The following MAN2B2 variants were observed in gnomAD, a reference collection of about 807,000 sequenced individuals.
MAN2B2 encodes the protein epididymis-specific alpha-mannosidase.
In MAN2B2, 106 loss-of-function variants were observed where a neutral mutation model predicts 117.1. That is an observed-to-expected ratio of 0.90 (90% confidence interval 0.77 to 1.06). MAN2B2 has a LOEUF of 1.06. Ranked by LOEUF, MAN2B2 falls within the 50% of genes least tolerant of loss-of-function variation. The pLI is 0.00. For synonymous variants in MAN2B2, 544 were observed against 595.1 expected (o/e 0.91, Z 1.25); for missense variants, 1,326 against 1,381.4 (o/e 0.96, Z 0.64).
Position 6,621,669 on chromosome 4 carries a change from G to A in MAN2B2, c.*384G>A. 1 of 174,168 alleles carries A rather than the reference G, an allele frequency of 5.7e-6. No individual in the cohort carries two copies. Among genetic ancestry groups the A allele is most frequent in the Non-Finnish European group, 1.2e-5 (1 of 82,364 alleles). The allele number at this position is 174,168 out of a possible 1,614,324, so 10.8% of individuals were successfully genotyped here. A position where few individuals can be genotyped will look rare whatever the true frequency, so the allele number is the denominator to read the frequency against. Reference sequence around the variant, plus strand: ...CGGGCCCTGCCAGGCTTGCCAGGCTGCCAGTGGTAACTGTGGACCTACTGC... The same window carrying A: ...CGGGCCCTGCCAGGCTTGCCAGGCTACCAGTGGTAACTGTGGACCTACTGC... On this transcript the variant is annotated 3_prime_UTR_variant, in exon 19 of 19. Transcript: ENST00000285599.
intron 10 of MAN2B2, among the ~76,000 whole-genome samples, chr4:6,604,083 A>G (rs568076566): frequency 6.6e-5 from 10 of 152,268 alleles, no homozygotes; most frequent in African/African-American, 2.4e-4. Context: ...AGGAGAAGGT[A>G]GTCCAGGTGG....
chr4:6,587,095 C>A lies in MAN2B2; in HGVS notation c.491C>A (p.Ala164Glu), dbSNP rs753497334. 6.8e-6 allele frequency: 11 copies of A among 1,614,020 alleles called. No homozygotes were observed. Among genetic ancestry groups the A allele is most frequent in the Non-Finnish European group, 8.5e-6 (10 of 1,180,022 alleles). Residue 164 changes from alanine (A) to glutamate (E), a missense_variant, in exon 4 of 19, where the codon GCG becomes GAG. By Grantham distance (107) the Ala-to-Glu change is moderately radical. Transcript: ENST00000285599. ...GASATTPTLFALAGFNAHLGS... is the reference protein window; with the variant it reads ...GASATTPTLFELAGFNAHLGS... ...TCTGCCACGACGCCCACCCTATTTG[C>A]GCTGGCGGGCTTCAATGCCCACCTC...
Position 6,621,385 on chromosome 4 carries a change from G to A in MAN2B2, c.*100G>A. ...AAGCAGTGCGGAGGGATGGGACTGG[G>A]GAGTCAGCTGCTCATCTGCAGGCTA... On this transcript the variant is annotated 3_prime_UTR_variant, in exon 19 of 19. Transcript: ENST00000285599. The A allele has an allele frequency of 1.1e-6, 1 of 887,416 alleles. No individual in the cohort carries two copies. The highest frequency in any genetic ancestry group is 1.7e-6 in the Non-Finnish European group (1 of 588,890). The allele number at this position is 887,416 out of a possible 1,614,324, so 55.0% of individuals were successfully genotyped here.
In MAN2B2 at chr4:6,605,064, T is replaced by C. The variant is rs1228028105; in HGVS notation, c.1549T>C (p.Ser517Pro). The C allele has an allele frequency of 3.1e-6, 5 of 1,611,852 alleles. No individual in the cohort carries two copies. Among genetic ancestry groups the C allele is most frequent in the Non-Finnish European group, 4.2e-6 (5 of 1,178,340 alleles). Residue 517 changes from serine to proline, a missense_variant, in exon 11 of 19, where the codon TCA (serine) becomes CCA (proline). By Grantham distance (74) the Ser-to-Pro change is moderately conservative. Transcript: ENST00000285599. Reference protein sequence around the residue: ...GHPVPSQIQNSTETPSAYDLL... With the variant: ...GHPVPSQIQNPTETPSAYDLL... ...CCTGCTGGCCTTGCAGATCCAGAAC[T>C]CAACAGAGACCCCATCTGCGTATGA...
intron 6 of MAN2B2, among the ~76,000 whole-genome samples, chr4:6,594,300 A>T (rs1460212492): frequency 3.3e-5 from 4 of 119,416 alleles, no homozygotes; most frequent in African/African-American, 1.1e-4. Flanking sequence ...AAAATTAGCC[A>T]GGTGTGGTGG....
In MAN2B2 at chr4:6,621,628, A is replaced by C; in HGVS notation, c.*343A>C. On this transcript the variant is annotated 3_prime_UTR_variant, in exon 19 of 19. Transcript: ENST00000285599. Reference sequence around the variant, plus strand: ...GAGCACAAGACTCACAGCAGCACCGAAGCGCATCTGCCGTCCGGGCCCTGC... The same window carrying C: ...GAGCACAAGACTCACAGCAGCACCGCAGCGCATCTGCCGTCCGGGCCCTGC... The C allele has an allele frequency of 5.2e-6, 1 of 192,228 alleles. No homozygotes were observed. The highest frequency in any genetic ancestry group is 1.1e-5 in the Non-Finnish European group (1 of 93,940). 11.9% of individuals were successfully genotyped at this position (192,228 alleles called of 1,614,324 possible).
At chr4:6,580,266 G>A (rs1726376027) in intron 3 of MAN2B2, among the ~76,000 whole-genome samples, 1 of 152,156 alleles carries the variant, frequency 6.6e-6, no homozygotes, top group Non-Finnish European at 1.5e-5. Flanking sequence ...CTCAGCCCCT[G>A]CTTGTCCCCC....
rs766170421 is a variant in MAN2B2, at chr4:6,611,174, T to G, written c.2459T>G (p.Val820Gly). 23 of 1,613,976 alleles carry G rather than the reference T, an allele frequency of 1.4e-5. No homozygotes were observed. Among genetic ancestry groups the G allele is most frequent in the Non-Finnish European group, 1.9e-5 (23 of 1,180,028 alleles). Residue 820 changes from valine to glycine, a missense_variant, in exon 15 of 19, where the codon GTG (valine) becomes GGG (glycine). Physicochemically the swap from Val to Gly is moderately radical, Grantham distance 109 (BLOSUM62 -3). Transcript: ENST00000285599. ...TLNDTSVVHP[V>G]LWLLLGSWSL... ...AACGACACCTCAGTCGTCCACCCAG[T>G]GCTCTGGCTTCTGCTGGGATCCTGG...
At chr4:6,594,783 GTCCACGTACCCTCTGCCCACT>G in intron 7 of MAN2B2, 51 bp downstream of exon 7, 1 of 1,537,932 alleles carries the variant, frequency 6.5e-7, no homozygotes, top group South Asian at 1.2e-5. Flanking sequence ...GGAGGGTATA[GTCCACGTACCCTCTGCCCACT>G]TCAGTGGCTG....
At chr4:6,614,183 A>T in intron 15 of MAN2B2, 35 bp from the exon 16 acceptor site, 1 of 1,605,648 alleles carries the variant, frequency 6.2e-7, no homozygotes, top group African/African-American at 1.3e-5. Flanking sequence ...GTTGAGCCCC[A>T]AACCCTCTCC....
At position 6,600,659 on chromosome 4, in the gene MAN2B2, A is replaced by G; in HGVS notation, c.1442A>G (p.Asn481Ser). The G allele has an allele frequency of 1.2e-6, 2 of 1,613,814 alleles. No individual in the cohort carries two copies. Among genetic ancestry groups the G allele is most frequent in the Admixed American group, 1.7e-5 (1 of 60,004 alleles). Residue 481 changes from asparagine (N) to serine (S), a missense_variant, in exon 10 of 19, where the codon AAC (asparagine) becomes AGC (serine). Asn to Ser is a conservative substitution (Grantham distance 46, BLOSUM62 1). Transcript: ENST00000285599. ...GPAGHFASVY[N>S]PLAWTVTTIV... Reference sequence around the variant, plus strand: ...GCAGGACATTTTGCCTCGGTCTACAACCCGCTGGCCTGGACGGTCACCACC... The same window carrying G: ...GCAGGACATTTTGCCTCGGTCTACAGCCCGCTGGCCTGGACGGTCACCACC...
intron 15 of MAN2B2, among the ~76,000 whole-genome samples, chr4:6,611,572 T>TTTTTTTTTTTTTTTTTTTTG: frequency 6.6e-6 from 1 of 152,214 alleles, no homozygotes; most frequent in African/African-American, 2.4e-5. Context: ...TTTCCTTTCT[T>TTTTTTTTTTTTTTTTTTTTG]AATATGACAT....
intron 11 of MAN2B2, among the ~76,000 whole-genome samples, chr4:6,606,938 T>C (rs7666407): frequency 0.013 from 1,966 of 152,326 alleles, 48 homozygotes; most frequent in African/African-American, 0.044. Flanking sequence ...TTGACTGAGA[T>C]GCACTTCACA....
In MAN2B2 at chr4:6,586,053, G is replaced by GTTTTTTTTTTTTTTTTTTTTTTTTTTTT. The variant is rs759999292; in HGVS notation, c.392-930_392-929insTTTTTTTTTTTTTTTTTTTTTTTTTTTT. On this transcript the variant is annotated intron_variant, in intron 3 of 18. Coordinates refer to ENST00000285599, the MANE Select transcript of MAN2B2 (RefSeq NM_015274.3). Reference sequence around the variant, plus strand: ...TAATTTATGGACATCTTTTCTTGTGGTTTTTTTTTTTTTGAGACAGAGTCT... The same window carrying GTTTTTTTTTTTTTTTTTTTTTTTTTTTT: ...TAATTTATGGACATCTTTTCTTGTGGTTTTTTTTTTTTTTTTTTTTTTTTTTTTTTTTTTTTTTTTTGAGACAGAGTCT... 3.1e-4 allele frequency among the ~76,000 whole-genome samples: 45 copies of GTTTTTTTTTTTTTTTTTTTTTTTTTTTT among 143,932 alleles called. 1 individual carries two copies. The highest frequency in any genetic ancestry group is 1.1e-3 in the African/African-American group (44 of 38,834). The allele number at this position is 143,932 out of a possible 152,430, so 94.4% of individuals were successfully genotyped here.
chr4:6,580,822 C>T (rs939774318), intron 3 of MAN2B2, among the ~76,000 whole-genome samples: 30 of 152,156 alleles, frequency 2.0e-4, no homozygotes, highest in African/African-American at 5.6e-4. Context: ...TGGGGTACCT[C>T]GCCTCTGGCC....
chr4:6,584,702 C>G lies in MAN2B2; in HGVS notation c.392-2294C>G, dbSNP rs549242404. Among the ~76,000 whole-genome samples, 143 of 152,322 alleles carry G rather than the reference C, an allele frequency of 9.4e-4. 2 individuals carry two copies. The South Asian group carries it at 0.029, about 31-fold the overall frequency. The stretch of plus-strand genomic sequence containing the variant: ...ATTTGGGTTTGCTGACAGAGGAACT[C>G]GAGGCCTGGAGCCGGCTCAGCCTGA... On this transcript the variant is annotated intron_variant, in intron 3 of 18. Coordinates refer to ENST00000285599, the MANE Select transcript of MAN2B2 (RefSeq NM_015274.3).
intron 16 of MAN2B2, among the ~76,000 whole-genome samples, chr4:6,615,721 G>A (rs946190766): frequency 1.3e-5 from 2 of 152,034 alleles, no homozygotes; most frequent in African/African-American, 2.4e-5. Context: ...GATCACTTGA[G>A]GCCAGGAGTT....
In MAN2B2 at chr4:6,609,858, G is replaced by A; in HGVS notation, c.2067G>A (p.Gln689=). The change falls in exon 13 of 19, where the codon CAG becomes CAA. Residue 689 remains glutamine, a synonymous_variant. Coordinates refer to ENST00000285599, the MANE Select transcript of MAN2B2 (RefSeq NM_015274.3). The stretch of plus-strand genomic sequence containing the variant: ...GCTCCCGGCTCACCCATGTGCCGCA[G>A]GGCCATGACGGGGAGCTGCTCTGCC... ...AIRSRLTHVP[Q]GHDGELLCHR... The A allele has an allele frequency of 6.2e-7, 1 of 1,614,130 alleles. No homozygotes were observed. Among genetic ancestry groups the A allele is most frequent in the Non-Finnish European group, 8.5e-7 (1 of 1,180,040 alleles).
rs752918524 is a variant in MAN2B2, at chr4:6,597,277, C to T, written c.1222C>T (p.Gln408Ter). 1 of 1,567,524 alleles carries T rather than the reference C, an allele frequency of 6.4e-7. No individual in the cohort carries two copies. Among genetic ancestry groups the T allele is most frequent in the Non-Finnish European group, 8.6e-7 (1 of 1,156,372 alleles). ...CCCCACCTGGGCCCTGCAGCAGCTC[C>T]AGCAGCTTCGCTGGGCCGTCTCCGA... The part of the protein sequence containing the change: ...LDPTWALQQL[Q>*]QLRWAVSEVQ... The change falls in exon 8 of 19, where the codon CAG (glutamine) becomes TAG (stop). Residue 408 changes from glutamine (Q) to a stop codon, truncating the protein, a stop_gained. Transcript: ENST00000285599. LOFTEE classifies it high-confidence loss of function.
Sources: allele counts gnomAD v4.1 joint callset (sites outside exome capture counted in the v4.1 genomes callset), GRCh38; gene constraint gnomAD v4.1.1; transcripts MANE v1.5; gene names NCBI Gene and HGNC (gene_info 2026-07-23, HGNC 2026-07-21).